ZNF469: variants seen among roughly 807,000 people sequenced by gnomAD.
ZNF469 encodes the protein zinc finger protein 469.
Under a neutral mutation model 1.0 loss-of-function variants are expected in ZNF469, and 1 was observed. That is an observed-to-expected ratio of 1.00 (90% CI 0.35 to 4.73). ZNF469 has a LOEUF of 4.73. Ranked by LOEUF, ZNF469 falls within the 30% of genes most tolerant of loss-of-function variation. ZNF469 has a pLI of 0.16. For missense variants in ZNF469, 6,100 were observed against 5,356.3 expected, an observed-to-expected ratio of 1.14 and a Z score of -4.33; for synonymous variants, 2,703 against 2,363.4, an observed-to-expected ratio of 1.14 and a Z score of -4.17.
the ZNF469 span, among the ~76,000 whole-genome samples, chr16:88,134,815 C>A: frequency 6.6e-6 from 1 of 152,110 alleles, no homozygotes; most frequent in African/African-American, 2.4e-5. Flanking sequence ...TGGCTGATTG[C>A]CAGTGTATAT....
At chr16:88,160,067 C>A in the ZNF469 span, among the ~76,000 whole-genome samples, 1 of 152,338 alleles carries the variant, frequency 6.6e-6, no homozygotes, top group Non-Finnish European at 1.5e-5. Context: ...TGGCTTTTCT[C>A]CTATCCCATA....
At chr16:88,267,911 C>T in the ZNF469 span, among the ~76,000 whole-genome samples, 1 of 152,088 alleles carries the variant, frequency 6.6e-6, no homozygotes, top group African/African-American at 2.4e-5. Flanking sequence ...TTAACAGCAC[C>T]AGCTGGCTTT....
chr16:88,365,548 A>G, the ZNF469 span, among the ~76,000 whole-genome samples: 1 of 152,322 alleles, frequency 6.6e-6, no homozygotes, highest in East Asian at 1.9e-4. Context: ...CTGCTGGGAA[A>G]GAACCCTGGA....
At chr16:88,352,164 T>A in the ZNF469 span, among the ~76,000 whole-genome samples, 1 of 152,162 alleles carries the variant, frequency 6.6e-6, no homozygotes, top group Non-Finnish European at 1.5e-5. Context: ...GGTTTCCTTC[T>A]AGGGTTAGGA....
At chr16:88,158,632 G>A in the ZNF469 span, among the ~76,000 whole-genome samples, 329 of 152,344 alleles carry the variant, frequency 2.2e-3, no homozygotes, top group Non-Finnish European at 3.8e-3. Context: ...GGAGAGGACC[G>A]TGAGCCTGGA....
the ZNF469 span, among the ~76,000 whole-genome samples, chr16:88,322,473 C>G: frequency 6.6e-6 from 1 of 152,256 alleles, no homozygotes; most frequent in Non-Finnish European, 1.5e-5. Flanking sequence ...GCCGCAGCCA[C>G]CCATGGCAGT....
chr16:88,405,739 G>A (rs576826283), intron 1 of ZNF469, among the ~76,000 whole-genome samples: 2 of 152,272 alleles, frequency 1.3e-5, no homozygotes, highest in African/African-American at 2.4e-5. Context: ...ACTCCAAGCC[G>A]CCTCGGTGGG....
chr16:88,158,021 G>A, the ZNF469 span, among the ~76,000 whole-genome samples: 1 of 152,088 alleles, frequency 6.6e-6, no homozygotes, highest in South Asian at 2.1e-4. Context: ...GGCCGGCAAC[G>A]TGGTCAGGTC....
the ZNF469 span, among the ~76,000 whole-genome samples, chr16:88,141,168 T>A: frequency 0.78 from 118,196 of 151,964 alleles, 46,518 homozygotes; most frequent in Non-Finnish European, 0.83. Context: ...AAAGTATTAG[T>A]AGAAAAATAG....
intron 1 of ZNF469, among the ~76,000 whole-genome samples, chr16:88,421,157 A>G (rs4782361): frequency 0.97 from 146,948 of 152,066 alleles, 71,015 homozygotes; most frequent in East Asian, 1. Context: ...GTGGGGCAGA[A>G]GCGTGGGGGC....
intron 2 of ZNF469, among the ~76,000 whole-genome samples, chr16:88,426,585 C>T (rs773289694): frequency 1.4e-4 from 21 of 152,270 alleles, no homozygotes; most frequent in Admixed American, 2.6e-4. Context: ...GAGCCGGCAC[C>T]GTCTGGAGGC....
intron 1 of ZNF469, among the ~76,000 whole-genome samples, chr16:88,417,253 C>CT (rs1491576581): frequency 6.6e-6 from 1 of 152,182 alleles, no homozygotes; most frequent in African/African-American, 2.4e-5. Flanking sequence ...GGCCCACACC[C>CT]TTTCTGAGCC....
chr16:88,435,879 C>T lies in ZNF469; in HGVS notation c.8409C>T (p.Pro2803=), dbSNP rs376502074. 9.1e-5 allele frequency: 141 copies of T among 1,550,040 alleles called. No individual in the cohort carries two copies. Among genetic ancestry groups the T allele is most frequent in the South Asian group, 1.1e-4 (9 of 84,066 alleles). The change falls in exon 3 of 3, where the codon CCC becomes CCT. Residue 2803 remains proline (P), a synonymous_variant. Transcript: ENST00000565624. ...CCCCCTTGGGCCCCCTGGGTTTTCC[C>T]GAGACTTCCAGCTCTCCGGCGGACA... is the stretch of plus-strand genomic sequence containing the variant. The part of the protein sequence containing the change: ...NTPPLGPLGF[P]ETSSSPADST...
chr16:88,295,101 G>A, the ZNF469 span, among the ~76,000 whole-genome samples: 5 of 95,152 alleles, frequency 5.3e-5, no homozygotes, highest in Admixed American at 1.1e-4. Flanking sequence ...CCCCCAGGAC[G>A]TGGCAGGGCT....
the ZNF469 span, among the ~76,000 whole-genome samples, chr16:88,143,935 G>A: frequency 1.3e-5 from 2 of 152,324 alleles, no homozygotes; most frequent in East Asian, 1.9e-4. Context: ...CAAGGACACC[G>A]AGAGCCCCTG....
the ZNF469 span, among the ~76,000 whole-genome samples, chr16:88,141,157 AAAAGTAT>A: frequency 6.6e-6 from 1 of 152,220 alleles, no homozygotes; most frequent in African/African-American, 2.4e-5. Flanking sequence ...AAAAAAGTAT[AAAAGTAT>A]TAGTAGAAAA....
At chr16:88,150,677 T>C in the ZNF469 span, among the ~76,000 whole-genome samples, 1 of 145,058 alleles carries the variant, frequency 6.9e-6, no homozygotes, top group Non-Finnish European at 1.5e-5. Context: ...AAAAGTGCCA[T>C]GAACAGGAAG....
chr16:88,299,350 G>C, the ZNF469 span, among the ~76,000 whole-genome samples: 1 of 152,126 alleles, frequency 6.6e-6, no homozygotes, highest in African/African-American at 2.4e-5. Context: ...CTTGCAGCAG[G>C]AGAGGGCTTC....
the ZNF469 span, among the ~76,000 whole-genome samples, chr16:88,108,697 CT>C: frequency 6.6e-6 from 1 of 152,206 alleles, no homozygotes; most frequent in Non-Finnish European, 1.5e-5. Flanking sequence ...TGGCCTCACC[CT>C]CTTTCAGGGC....
Sources: gnomAD v4.1 joint callset for allele counts (sites outside exome capture counted in the v4.1 genomes callset) on GRCh38, gnomAD v4.1.1 for gene constraint, MANE v1.5 for transcripts, NCBI Gene and HGNC (gene_info 2026-07-23, HGNC 2026-07-21) for gene names.